Variants in ATP6V1C2 observed in about 807,000 individuals in gnomAD.
ATP6V1C2 encodes V-type proton ATPase subunit C 2.
Under a neutral mutation model 56.8 loss-of-function variants are expected in ATP6V1C2, and 45 were observed. The ratio of observed to expected loss-of-function variants is 0.79; its 90% CI spans 0.62 to 1.02. The LOEUF is 1.02. Among genes scored for constraint, ATP6V1C2 ranks in the 50% least tolerant of loss-of-function variants. The pLI, the probability that ATP6V1C2 is intolerant of heterozygous loss-of-function variation, is 0.00. For missense variants in ATP6V1C2, 463 were observed against 519.7 expected (o/e 0.89, Z 1.06); for synonymous variants, 220 against 201.3 (o/e 1.09, Z -0.79).
At chr2:10,738,195 C>G (rs927290116) in intron 3 of ATP6V1C2, among the ~76,000 whole-genome samples, 1 of 152,292 alleles carries the variant, frequency 6.6e-6, no homozygotes, top group Middle Eastern at 3.4e-3. Flanking sequence ...TAGTGTCAGG[C>G]CTTCACCTGG....
chr2:10,731,834 T>C (rs917293300), intron 3 of ATP6V1C2, among the ~76,000 whole-genome samples: 1 of 151,544 alleles, frequency 6.6e-6, no homozygotes, highest in African/African-American at 2.4e-5. Context: ...TTTAGCCAGG[T>C]GTGGTGGTGC....
At chr2:10,723,399 C>A (rs1051080237) in intron 2 of ATP6V1C2, among the ~76,000 whole-genome samples, 2 of 151,984 alleles carry the variant, frequency 1.3e-5, no homozygotes, top group Non-Finnish European at 1.5e-5. Flanking sequence ...GTACTCTTGA[C>A]CTGGGGGCAG....
intron 5 of ATP6V1C2, among the ~76,000 whole-genome samples, chr2:10,764,966 G>GT (rs1165293835): frequency 7.5e-6 from 1 of 134,010 alleles, no homozygotes; most frequent in African/African-American, 2.7e-5. Flanking sequence ...ATGAGGTTCC[G>GT]TCCCCCCACC....
intron 5 of ATP6V1C2, among the ~76,000 whole-genome samples, chr2:10,766,726 A>G (rs1664244056): frequency 6.6e-6 from 1 of 152,214 alleles, no homozygotes; most frequent in Non-Finnish European, 1.5e-5. Context: ...AGGACAGTAC[A>G]GTGTAGTCAC....
intron 11 of ATP6V1C2, among the ~76,000 whole-genome samples, chr2:10,778,271 G>A (rs1558427610): frequency 6.6e-6 from 1 of 152,240 alleles, no homozygotes; most frequent in Non-Finnish European, 1.5e-5. Flanking sequence ...GTGTCAGGCA[G>A]AAGCCCCTGG....
Position 10,768,725 on chromosome 2 carries a change from G to C in ATP6V1C2, c.385G>C (p.Ala129Pro). 2.5e-6 allele frequency: 4 copies of C among 1,614,010 alleles called. No individual in the cohort carries two copies. The highest frequency in any genetic ancestry group is 3.4e-6 in the Non-Finnish European group (4 of 1,179,996). The change falls in exon 6 of 14, where the codon GCG (alanine) becomes CCG (proline). Residue 129 changes from alanine (A) to proline (P), a missense_variant. Transcript: ENST00000272238. ...TTTTGCTTTCCCAAAACAGCAACTG[G>C]CGCAGATCGAGATGGACCTGAAGTC... ...SVVDTIAKQLAQIEMDLKSRT... is the reference protein window; with the variant it reads ...SVVDTIAKQLPQIEMDLKSRT...
rs142103877 is a variant in ATP6V1C2, at chr2:10,774,025, G to A, written c.639-763G>A. ...TCACTGCTCTTAAAGGCCAAGAGCC[G>A]GGGATCCTTGACAGGGCCGGCTGCC... On this transcript the variant is annotated intron_variant, in intron 8 of 13. Transcript: ENST00000272238. Among the ~76,000 whole-genome samples, 313 of 152,356 alleles carry A rather than the reference G, an allele frequency of 2.1e-3. 2 individuals are homozygous for A. Among genetic ancestry groups the A allele is most frequent in the African/African-American group, 6.6e-3 (273 of 41,596 alleles).
In ATP6V1C2 at chr2:10,784,560, CT is replaced by C. The variant is rs35148273; in HGVS notation, c.*1299del. On this transcript the variant is annotated 3_prime_UTR_variant, in exon 14 of 14. Transcript: ENST00000272238. ...CTCACCATTTTAACACTGGAAGCCA[CT>C]TGAACGTGTCCTTTTGAGGAGGGTG... The C allele has an allele frequency of 0.51, 240,366 of 468,190 alleles. 56,676 individuals carry two copies. Among genetic ancestry groups the C allele is most frequent in the Middle Eastern group, 0.6 (1,160 of 1,924 alleles). 29.0% of individuals were successfully genotyped at this position (468,190 alleles called of 1,614,324 possible). A position where few individuals can be genotyped will look rare whatever the true frequency, so the allele number is the denominator to read the frequency against.
intron 4 of ATP6V1C2, among the ~76,000 whole-genome samples, chr2:10,757,010 T>G (rs1369356336): frequency 1.2e-5 from 1 of 83,182 alleles, no homozygotes; most frequent in Non-Finnish European, 2.6e-5. Context: ...AGACTTTTTT[T>G]TTTTTTTTTT....
chr2:10,784,957 GCTCT>G lies in ATP6V1C2; in HGVS notation c.*1700_*1703del, dbSNP rs764346627. 6.3e-7 allele frequency: 1 copy of G among 1,589,774 alleles called. No individual in the cohort carries two copies. The highest frequency in any genetic ancestry group is 8.6e-7 in the Non-Finnish European group (1 of 1,166,722). ...ACCTCGCCATCCCTGCCGTCCCAAGGCTCTCTCTCAACGATGGTAGGGAAAGCCC... is the reference window on the plus strand; with the variant it reads ...ACCTCGCCATCCCTGCCGTCCCAAGGCTCTCAACGATGGTAGGGAAAGCCC... On this transcript the variant is annotated 3_prime_UTR_variant, in exon 14 of 14. Coordinates refer to ENST00000272238, the MANE Select transcript of ATP6V1C2 (RefSeq NM_001039362.2).
Position 10,783,447 on chromosome 2 carries a change from GA to G in ATP6V1C2, c.*186del, listed in dbSNP as rs1236861211. 1 of 502,650 alleles carries G rather than the reference GA, an allele frequency of 2.0e-6. No homozygotes were observed. The highest frequency in any genetic ancestry group is 3.5e-6 in the Non-Finnish European group (1 of 282,550). The allele number at this position is 502,650 out of a possible 1,614,324, so 31.1% of individuals were successfully genotyped here. ...ACAATAAAATGCTCTCAAGTCCTTT[GA>G]ATGTTCCAACAAATTCAAAACTTCA... On this transcript the variant is annotated 3_prime_UTR_variant, in exon 14 of 14. Coordinates refer to ENST00000272238, the MANE Select transcript of ATP6V1C2 (RefSeq NM_001039362.2).
In ATP6V1C2 at chr2:10,782,234, T is replaced by C; in HGVS notation, c.1062-9T>C. 2 of 1,613,720 alleles carry C rather than the reference T, an allele frequency of 1.2e-6. No individual in the cohort carries two copies. Among genetic ancestry groups the C allele is most frequent in the Admixed American group, 1.7e-5 (1 of 59,910 alleles). On this transcript the variant is annotated splice_polypyrimidine_tract_variant and intron_variant, in intron 12 of 13. Coordinates refer to ENST00000272238, the MANE Select transcript of ATP6V1C2 (RefSeq NM_001039362.2). ...GCAGTGAACTGACACATTTTGTCTATCTGAAAAGGTATGGACTACCAGTGA... is the reference window on the plus strand; with the variant it reads ...GCAGTGAACTGACACATTTTGTCTACCTGAAAAGGTATGGACTACCAGTGA...
intron 3 of ATP6V1C2, among the ~76,000 whole-genome samples, chr2:10,744,488 C>T (rs894539801): frequency 3.3e-5 from 5 of 152,104 alleles, no homozygotes; most frequent in Non-Finnish European, 5.9e-5. Flanking sequence ...AACCTATAGA[C>T]GAGCATTTGA....
chr2:10,769,575 G>A (rs1664454123), intron 6 of ATP6V1C2, among the ~76,000 whole-genome samples: 1 of 152,106 alleles, frequency 6.6e-6, no homozygotes. Flanking sequence ...ATGGTGGCAT[G>A]CATCTGTACT....
intron 3 of ATP6V1C2, among the ~76,000 whole-genome samples, chr2:10,747,997 C>T (rs534204947): frequency 1.8e-4 from 27 of 152,216 alleles, no homozygotes; most frequent in Admixed American, 6.6e-4. Context: ...GCTTTCCAGC[C>T]TAAACCTGGA....
At chr2:10,735,972 C>T (rs1662222925) in intron 3 of ATP6V1C2, among the ~76,000 whole-genome samples, 1 of 152,176 alleles carries the variant, frequency 6.6e-6, no homozygotes, top group African/African-American at 2.4e-5. Flanking sequence ...GCAAGCTCCC[C>T]AGTGATGCTG....
At chr2:10,728,862 G>A (rs1317778434) in intron 3 of ATP6V1C2, among the ~76,000 whole-genome samples, 5 of 151,552 alleles carry the variant, frequency 3.3e-5, no homozygotes, top group African/African-American at 1.2e-4. Context: ...ATCTGGGCCA[G>A]GCGTGGTGGC....
rs74475873 is a variant in ATP6V1C2 at position 10,768,195 on chromosome 2, C to T, written c.379-524C>T. 149 of 155,180 alleles carry T rather than the reference C, an allele frequency of 9.6e-4. 3 individuals are homozygous for T. The East Asian group carries it at 0.026, about 28-fold the overall frequency. 9.6% of individuals were successfully genotyped at this position (155,180 alleles called of 1,614,324 possible). A position where few individuals can be genotyped will look rare whatever the true frequency, so the allele number is the denominator to read the frequency against. On this transcript the variant is annotated intron_variant, in intron 5 of 13. Coordinates refer to ENST00000272238, the MANE Select transcript of ATP6V1C2 (RefSeq NM_001039362.2). ...CGGCTCTCAGCACTGGCATTATCCC[C>T]GCTGTGGAACAAATGGGGAAACCTG...
intron 10 of ATP6V1C2, 144 bp from the exon 11 acceptor site, chr2:10,777,441 C>T: frequency 1.9e-6 from 2 of 1,029,990 alleles, no homozygotes; most frequent in Non-Finnish European, 2.8e-6. Flanking sequence ...CCTACCACAT[C>T]TCTAGTCTAG....
Sources: gnomAD v4.1 joint callset for allele counts (sites outside exome capture counted in the v4.1 genomes callset) on GRCh38, gnomAD v4.1.1 for gene constraint, MANE v1.5 for transcripts, NCBI Gene and HGNC (gene_info 2026-07-23, HGNC 2026-07-21) for gene names.